ARHGAP6: variants seen among roughly 807,000 people sequenced by gnomAD.
ARHGAP6 encodes the protein Rho GTPase activating protein 6.
In ARHGAP6, 16 loss-of-function variants were observed where a neutral mutation model predicts 55.7. The observed-to-expected ratio is 0.29, with a 90% CI of 0.19 to 0.44. The LOEUF (loss-of-function observed/expected upper bound fraction) is 0.44, where lower values mean the gene tolerates loss of function less well. ARHGAP6 is among the 20% of genes least tolerant of loss of function. ARHGAP6 has a pLI of 1.00. For missense variants in ARHGAP6, 698 were observed against 808.9 expected (o/e 0.86, Z 1.66); for synonymous variants, 382 against 360.9 (o/e 1.06, Z -0.66).
At chrX:11,660,614 G>A (rs886139398) in intron 1 of ARHGAP6, among the ~76,000 whole-genome samples, 11 of 98,878 alleles carry the variant, frequency 1.1e-4, no homozygotes, top group Non-Finnish European at 2.2e-4. Flanking sequence ...ATTCGGTCAG[G>A]CTTTTATTAC....
chrX:11,355,081 G>C (rs1411877934), intron 1 of ARHGAP6, among the ~76,000 whole-genome samples: 2 of 111,957 alleles, frequency 1.8e-5, no homozygotes, highest in African/African-American at 6.5e-5. Flanking sequence ...CTGTGAAAAG[G>C]AAGAGGTAGG....
chrX:11,365,074 C>T (rs781527157), intron 1 of ARHGAP6, among the ~76,000 whole-genome samples: 3 of 111,634 alleles, frequency 2.7e-5, no homozygotes, highest in East Asian at 2.8e-4. Flanking sequence ...ATGAAGCTTC[C>T]GGGAAAGTCT....
intron 1 of ARHGAP6, among the ~76,000 whole-genome samples, chrX:11,409,085 T>C (rs954626584): frequency 2.9e-4 from 32 of 111,520 alleles, no homozygotes; most frequent in African/African-American, 1.0e-3. Context: ...CTGTTCCCCT[T>C]ACTCCTTCAC....
intron 2 of ARHGAP6, among the ~76,000 whole-genome samples, chrX:11,242,933 T>C (rs922515425): frequency 3.6e-5 from 4 of 111,805 alleles, no homozygotes; most frequent in African/African-American, 1.3e-4. Context: ...ACTATTATAC[T>C]ACCTATCCTT....
At chrX:11,499,894 A>T (rs1253479560) in intron 1 of ARHGAP6, among the ~76,000 whole-genome samples, 1 of 112,136 alleles carries the variant, frequency 8.9e-6, no homozygotes, top group Non-Finnish European at 1.9e-5. Context: ...ATCTTGAGAC[A>T]GAAAGACTTA....
intron 9 of ARHGAP6, among the ~76,000 whole-genome samples, chrX:11,168,351 G>A (rs1257656307): frequency 8.9e-6 from 1 of 112,119 alleles, no homozygotes; most frequent in South Asian, 3.7e-4. Flanking sequence ...ATACTTTCAC[G>A]TATCAAATGA....
rs749517831 is a variant in ARHGAP6 at position 11,174,622 on chromosome X, CTTTTCTTTCTTT to C, written c.1629+3466_1629+3477del. ...TTTCTTTCTTTCTTTCTTTCTCTTT[CTTTTCTTTCTTT>C]CTTTCTTTCTTTCTTTCTTTCTTTC... On this transcript the variant is annotated intron_variant, in intron 8 of 12. Coordinates refer to ENST00000337414, the MANE Select transcript of ARHGAP6 (RefSeq NM_013427.3). 3.5e-4 allele frequency among the ~76,000 whole-genome samples: 18 copies of C among 50,768 alleles called. 2 individuals carry two copies. Among genetic ancestry groups the C allele is most frequent in the East Asian group, 3.2e-3 (6 of 1,899 alleles). 44.1% of individuals were successfully genotyped at this position (50,768 alleles called of 115,157 possible).
At chrX:11,330,123 T>C (rs1477292980) in intron 1 of ARHGAP6, among the ~76,000 whole-genome samples, 1 of 113,118 alleles carries the variant, frequency 8.8e-6, no homozygotes, top group African/African-American at 3.2e-5. Context: ...TATAAGCACA[T>C]CTCAAGGTGT....
chrX:11,281,815 A>T (rs933221049), intron 1 of ARHGAP6, among the ~76,000 whole-genome samples: 1 of 111,913 alleles, frequency 8.9e-6, no homozygotes, highest in Admixed American at 9.5e-5. Context: ...TTATGTTTGT[A>T]CTGAGGGGAA....
At chrX:11,154,407 C>T (rs2045835180) in intron 10 of ARHGAP6, among the ~76,000 whole-genome samples, 1 of 112,196 alleles carries the variant, frequency 8.9e-6, no homozygotes, top group African/African-American at 3.2e-5. Context: ...CTTCCTTTTC[C>T]TAATAGAAGA....
chrX:11,155,236 T>A (rs908953974), intron 10 of ARHGAP6, among the ~76,000 whole-genome samples: 9 of 112,637 alleles, frequency 8.0e-5, no homozygotes, highest in Middle Eastern at 9.1e-3. Context: ...CAGGAATAAC[T>A]TAACATGTGT....
intron 1 of ARHGAP6, among the ~76,000 whole-genome samples, chrX:11,537,902 C>T (rs753286180): frequency 4.5e-5 from 5 of 110,854 alleles, no homozygotes; most frequent in African/African-American, 9.8e-5. Flanking sequence ...CAAACAATAT[C>T]TTCATATTAT....
chrX:11,162,518 C>T (rs2045965402), intron 9 of ARHGAP6, among the ~76,000 whole-genome samples: 1 of 111,293 alleles, frequency 9.0e-6, no homozygotes, highest in Admixed American at 9.6e-5. Flanking sequence ...ACCCTCACCC[C>T]GTCATTCACT....
At chrX:11,333,917 T>C (rs968983738) in intron 1 of ARHGAP6, among the ~76,000 whole-genome samples, 11 of 111,706 alleles carry the variant, frequency 9.8e-5, no homozygotes, top group Middle Eastern at 4.2e-3. Context: ...AGTGGCATAA[T>C]TGACAAGTTT....
chrX:11,425,871 G>A (rs1050510494), intron 1 of ARHGAP6, among the ~76,000 whole-genome samples: 3 of 111,845 alleles, frequency 2.7e-5, no homozygotes, highest in Non-Finnish European at 5.6e-5. Context: ...AAAGACCTCA[G>A]ATCATGAATC....
chrX:11,444,613 T>A (rs375087990), intron 1 of ARHGAP6, among the ~76,000 whole-genome samples: 5 of 112,242 alleles, frequency 4.5e-5, no homozygotes, highest in African/African-American at 1.6e-4. Flanking sequence ...GCATTCATCT[T>A]GTGAGCATGA....
chrX:11,346,514 T>C (rs1241921765), intron 1 of ARHGAP6, among the ~76,000 whole-genome samples: 1 of 110,830 alleles, frequency 9.0e-6, no homozygotes, highest in Non-Finnish European at 1.9e-5. Flanking sequence ...GCCCAGGAGT[T>C]TGAGACCAGC....
At chrX:11,320,100 T>G (rs1309952480) in intron 1 of ARHGAP6, among the ~76,000 whole-genome samples, 4 of 112,228 alleles carry the variant, frequency 3.6e-5, no homozygotes, top group African/African-American at 1.3e-4. Flanking sequence ...ATTGGAGATG[T>G]GAGTCAAAGA....
At chrX:11,623,095 T>A (rs1601706752) in intron 1 of ARHGAP6, among the ~76,000 whole-genome samples, 1 of 111,204 alleles carries the variant, frequency 9.0e-6, no homozygotes, top group East Asian at 2.8e-4. Flanking sequence ...ATAAAGGACA[T>A]CTAAATTGGA....
Sources: gnomAD v4.1 joint callset for allele counts (sites outside exome capture counted in the v4.1 genomes callset) on GRCh38, gnomAD v4.1.1 for gene constraint, MANE v1.5 for transcripts, NCBI Gene and HGNC (gene_info 2026-07-23, HGNC 2026-07-21) for gene names.